MAP3K20: variants seen among roughly 807,000 people sequenced by gnomAD.
The protein encoded by MAP3K20 is HCCS-4.
In MAP3K20, 40 loss-of-function variants were observed where a neutral mutation model predicts 85.7. That is an observed-to-expected ratio of 0.47 (90% CI 0.36 to 0.61). The LOEUF is 0.61. MAP3K20 is among the 20% of genes least tolerant of loss of function. The probability of loss-of-function intolerance (pLI) is 0.00; values close to 1 mark genes in which losing one functional copy is unlikely to be tolerated. For synonymous variants in MAP3K20, 325 were observed against 327.7 expected, an observed-to-expected ratio of 0.99 and a Z score of 0.09; for missense variants, 817 against 961.7, an observed-to-expected ratio of 0.85 and a Z score of 1.99.
At chr2:173,222,072 C>A in intron 11 of MAP3K20, 1 of 935,172 alleles carries the variant, frequency 1.1e-6, no homozygotes, top group Non-Finnish European at 1.3e-6. Flanking sequence ...CATGGTAGCA[C>A]ACACCTGTAG....
chr2:173,237,019 CTTTTTTTTTTTTTT>C (rs368196400), intron 14 of MAP3K20, among the ~76,000 whole-genome samples: 3 of 75,582 alleles, frequency 4.0e-5, no homozygotes, highest in Non-Finnish European at 7.0e-5. Context: ...GTATATCCAC[CTTTTTTTTTTTTTT>C]TTTTTTTTTT....
intron 11 of MAP3K20, chr2:173,223,805 A>G: frequency 1.0e-6 from 1 of 985,442 alleles, no homozygotes; most frequent in Non-Finnish European, 1.2e-6. Flanking sequence ...GCTCAGACAT[A>G]GAGAAGTACT....
At chr2:173,122,507 GT>G (rs2106189577) in intron 2 of MAP3K20, among the ~76,000 whole-genome samples, 1 of 152,220 alleles carries the variant, frequency 6.6e-6, no homozygotes, top group South Asian at 2.1e-4. Context: ...AGGATTTATG[GT>G]ATATGCCTGT....
chr2:173,205,762 TA>T, intron 9 of MAP3K20, among the ~76,000 whole-genome samples: 1 of 152,210 alleles, frequency 6.6e-6, no homozygotes. Flanking sequence ...ATAATCTTTT[TA>T]AACTGTGTTA....
chr2:173,201,665 T>C (rs781612698), intron 8 of MAP3K20, among the ~76,000 whole-genome samples: 1 of 152,232 alleles, frequency 6.6e-6, no homozygotes, highest in African/African-American at 2.4e-5. Context: ...TAAAAATATT[T>C]GTTTTAAGTA....
intron 2 of MAP3K20, among the ~76,000 whole-genome samples, chr2:173,131,459 A>G (rs981885671): frequency 6.6e-6 from 1 of 152,170 alleles, no homozygotes; most frequent in African/African-American, 2.4e-5. Flanking sequence ...CTGCCCAGAG[A>G]TAGGAACCAT....
At chr2:173,224,708 A>G (rs1684338553) in intron 11 of MAP3K20, 4 of 985,306 alleles carry the variant, frequency 4.1e-6, no homozygotes, top group African/African-American at 1.7e-5. Context: ...TCTGTTCCCA[A>G]TGTCCTTCTA....
intron 16 of MAP3K20, among the ~76,000 whole-genome samples, chr2:173,243,970 T>C (rs551587053): frequency 1.5e-4 from 23 of 152,048 alleles, no homozygotes; most frequent in African/African-American, 5.5e-4. Flanking sequence ...CAGAGAAGGA[T>C]GAATTGGAAA....
At chr2:173,265,065 T>C (rs549646187) in intron 19 of MAP3K20, among the ~76,000 whole-genome samples, 1 of 152,284 alleles carries the variant, frequency 6.6e-6, no homozygotes, top group South Asian at 2.1e-4. Context: ...GAAGAAGGCA[T>C]TGTGATGGAC....
intron 4 of MAP3K20, among the ~76,000 whole-genome samples, chr2:173,183,345 AGT>A (rs1690387583): frequency 6.6e-6 from 1 of 152,200 alleles, no homozygotes; most frequent in Non-Finnish European, 1.5e-5. Context: ...TTGTAGGATT[AGT>A]TCTACTCATT....
intron 2 of MAP3K20, among the ~76,000 whole-genome samples, chr2:173,144,275 A>G (rs1463612643): frequency 6.6e-6 from 1 of 152,044 alleles, no homozygotes; most frequent in Non-Finnish European, 1.5e-5. Context: ...CATCCAGGCT[A>G]ACACAGTGAA....
intron 16 of MAP3K20, among the ~76,000 whole-genome samples, chr2:173,252,533 C>T (rs558040602): frequency 4.6e-5 from 7 of 152,338 alleles, no homozygotes; most frequent in East Asian, 1.9e-4. Flanking sequence ...ACATTCCCCT[C>T]GCCCCAACAA....
intron 2 of MAP3K20, among the ~76,000 whole-genome samples, chr2:173,145,684 C>T (rs1408347442): frequency 6.6e-6 from 1 of 152,094 alleles, no homozygotes; most frequent in Non-Finnish European, 1.5e-5. Flanking sequence ...AATGGTATCA[C>T]CTCTTTGGGA....
intron 2 of MAP3K20, among the ~76,000 whole-genome samples, chr2:173,167,531 A>T (rs1451302337): frequency 6.6e-6 from 1 of 152,212 alleles, no homozygotes; most frequent in East Asian, 1.9e-4. Context: ...AGTTTATTAT[A>T]TAAGAACCTA....
At chr2:173,158,769 G>C (rs921899442) in intron 2 of MAP3K20, among the ~76,000 whole-genome samples, 5 of 152,200 alleles carry the variant, frequency 3.3e-5, no homozygotes, top group African/African-American at 1.2e-4. Flanking sequence ...TAGGATTACT[G>C]TCTGCCTTTT....
At chr2:173,122,638 G>A (rs766078473) in intron 2 of MAP3K20, among the ~76,000 whole-genome samples, 2 of 152,140 alleles carry the variant, frequency 1.3e-5, no homozygotes, top group Non-Finnish European at 2.9e-5. Flanking sequence ...TTGTGGTGAC[G>A]TAATGGCCAC....
chr2:173,075,652 T>TC (rs1573990110), upstream of MAP3K20: 8 of 839,202 alleles, frequency 9.5e-6, no homozygotes, highest in East Asian at 4.9e-4. Flanking sequence ...CCCACGGCCC[T>TC]CCCCCCACAG....
chr2:173,223,718 T>C, intron 11 of MAP3K20: 1 of 985,410 alleles, frequency 1.0e-6, no homozygotes, highest in Non-Finnish European at 1.2e-6. Flanking sequence ...AAAAGATGGA[T>C]TCCCCCACAT....
intron 9 of MAP3K20, among the ~76,000 whole-genome samples, chr2:173,204,101 TATAA>T (rs1343164728): frequency 1.3e-5 from 2 of 152,216 alleles, no homozygotes; most frequent in Non-Finnish European, 2.9e-5. Context: ...CTGAATTCAG[TATAA>T]ATAATTTTAT....
Sources: allele counts gnomAD v4.1 joint callset (sites outside exome capture counted in the v4.1 genomes callset), GRCh38; gene constraint gnomAD v4.1.1; transcripts MANE v1.5; gene names NCBI Gene and HGNC (gene_info 2026-07-23, HGNC 2026-07-21).